Variants in FHAD1 observed in about 807,000 individuals in gnomAD.
FHAD1 encodes forkhead associated phosphopeptide binding domain 1.
Under a neutral mutation model 191.3 loss-of-function variants are expected in FHAD1, and 146 were observed. The observed-to-expected ratio is 0.76, with a 90% confidence interval of 0.67 to 0.88. FHAD1 has a LOEUF of 0.88. Ranked by LOEUF, FHAD1 falls within the 40% of genes least tolerant of loss-of-function variation. The pLI, the probability that FHAD1 is intolerant of heterozygous loss-of-function variation, is 0.00. For synonymous variants in FHAD1, 616 were observed against 672.3 expected (o/e 0.92, Z 1.29); for missense variants, 1,635 against 1,785.8 (o/e 0.92, Z 1.52).
chr1:15,288,652 A>G (rs967194725), intron 3 of FHAD1, among the ~76,000 whole-genome samples: 14 of 152,210 alleles, frequency 9.2e-5, no homozygotes, highest in Admixed American at 9.2e-4. Flanking sequence ...CCAAGCATTT[A>G]TTCTAGGGGC....
rs1666538889 is a variant in FHAD1 at position 15,295,257 on chromosome 1, TC to T, written c.569-1426del. 2.0e-5 allele frequency among the ~76,000 whole-genome samples: 3 copies of T among 152,342 alleles called. No homozygotes were observed. In the South Asian group the frequency reaches 6.2e-4, roughly 32 times the overall value. ...TACAAAATATGATATGAATGTCATG[TC>T]ACTAGTTGTTATGCTGTATTTTTAT... On this transcript the variant is annotated intron_variant, in intron 4 of 33. Transcript: ENST00000688493.
intron 6 of FHAD1, among the ~76,000 whole-genome samples, chr1:15,306,150 C>A (rs1670429758): frequency 1.3e-5 from 2 of 152,168 alleles, no homozygotes; most frequent in Non-Finnish European, 2.9e-5. Flanking sequence ...GGAACTGGAG[C>A]AAAGGTGACT....
At chr1:15,364,939 G>A (rs1695934325) in intron 23 of FHAD1, among the ~76,000 whole-genome samples, 1 of 152,264 alleles carries the variant, frequency 6.6e-6, no homozygotes, top group Non-Finnish European at 1.5e-5. Context: ...GGCACCAAAC[G>A]TGTGCTGCCC....
At chr1:15,332,708 C>A (rs1231092514) in intron 14 of FHAD1, among the ~76,000 whole-genome samples, 2 of 152,138 alleles carry the variant, frequency 1.3e-5, no homozygotes, top group Non-Finnish European at 2.9e-5. Flanking sequence ...GATAGTGAGA[C>A]CTTGTCTAAA....
intron 32 of FHAD1, among the ~76,000 whole-genome samples, chr1:15,390,207 G>A (rs1433336354): frequency 2.0e-5 from 3 of 151,964 alleles, no homozygotes; most frequent in Non-Finnish European, 4.4e-5. Context: ...TTAGCCGGGT[G>A]TGGTGGCAGG....
chr1:15,296,760 T>G lies in FHAD1; in HGVS notation c.645T>G (p.Ile215Met), dbSNP rs1275531682. 1 of 1,551,626 alleles carries G rather than the reference T, an allele frequency of 6.4e-7. No homozygotes were observed. Among genetic ancestry groups the G allele is most frequent in the Non-Finnish European group, 8.7e-7 (1 of 1,146,986 alleles). ...GIPGAVPPAE[I>M]YVEEDLAQQD... is the part of the protein sequence containing the mutation. The stretch of plus-strand genomic sequence containing the variant: ...CTGGGGCAGTTCCCCCTGCGGAGAT[T>G]TATGTGGAGGAGGACTTGGCCCAGC... Residue 215 changes from isoleucine to methionine, a missense_variant, in exon 5 of 34, where the codon ATT becomes ATG. Ile to Met is a conservative substitution (Grantham distance 10). Transcript: ENST00000688493.
downstream of FHAD1, among the ~76,000 whole-genome samples, chr1:15,398,525 T>C (rs533733518): frequency 2.0e-5 from 3 of 152,098 alleles, no homozygotes; most frequent in South Asian, 6.2e-4. Flanking sequence ...AAGAGTTGAG[T>C]CTTGAACCCA....
intron 2 of FHAD1, among the ~76,000 whole-genome samples, chr1:15,269,293 C>G (rs1160564359): frequency 6.6e-6 from 1 of 152,166 alleles, no homozygotes; most frequent in Non-Finnish European, 1.5e-5. Context: ...CTTATGTGTG[C>G]ATTCAAGGCT....
At chr1:15,382,277 T>C (rs1192481554) in intron 31 of FHAD1, 84 bp downstream of exon 31, 1 of 1,382,026 alleles carries the variant, frequency 7.2e-7, no homozygotes, top group African/African-American at 1.5e-5. Flanking sequence ...CCCTGGAGGA[T>C]CCAGGTAGCA....
intron 31 of FHAD1, chr1:15,383,931 G>A (rs551749762): frequency 1.7e-5 from 7 of 412,618 alleles, no homozygotes; most frequent in African/African-American, 8.3e-5. Flanking sequence ...AGGGTTGGCC[G>A]TGAGTCCCCT....
At chr1:15,344,912 C>G (rs1345999011) in intron 16 of FHAD1, among the ~76,000 whole-genome samples, 171 bp from the exon 17 acceptor site, 1 of 152,182 alleles carries the variant, frequency 6.6e-6, no homozygotes, top group African/African-American at 2.4e-5. Context: ...GGGGCTCTAC[C>G]CTGGGTCTCC....
intron 7 of FHAD1, among the ~76,000 whole-genome samples, chr1:15,309,394 C>T (rs1671544771): frequency 6.6e-6 from 1 of 152,196 alleles, no homozygotes; most frequent in Admixed American, 6.5e-5. Context: ...TCCCTCTGCC[C>T]CTCTGCTCAT....
At chr1:15,384,822 G>A (rs1701726911) in intron 31 of FHAD1, among the ~76,000 whole-genome samples, 1 of 152,170 alleles carries the variant, frequency 6.6e-6, no homozygotes, top group South Asian at 2.1e-4. Context: ...CACAGGGCAC[G>A]GCCCACCCTC....
intron 4 of FHAD1, among the ~76,000 whole-genome samples, chr1:15,291,082 A>G (rs1395281930): frequency 6.6e-6 from 1 of 150,870 alleles, no homozygotes. Flanking sequence ...TCCCCACCTA[A>G]ATCTACCATT....
At chr1:15,332,951 G>T (rs1427850801) in intron 14 of FHAD1, among the ~76,000 whole-genome samples, 1 of 152,116 alleles carries the variant, frequency 6.6e-6, no homozygotes, top group Non-Finnish European at 1.5e-5. Flanking sequence ...CAAACTACTG[G>T]TCTCCTTTCT....
chr1:15,257,643 T>A (rs535660916), intron 2 of FHAD1, among the ~76,000 whole-genome samples: 7 of 152,220 alleles, frequency 4.6e-5, no homozygotes, highest in Non-Finnish European at 7.3e-5. Flanking sequence ...TTTCCCCTGA[T>A]GTCACTGGTC....
chr1:15,322,001 A>T (rs1676476876), intron 10 of FHAD1, among the ~76,000 whole-genome samples: 1 of 152,242 alleles, frequency 6.6e-6, no homozygotes, highest in Non-Finnish European at 1.5e-5. Context: ...TTTAGAAGTA[A>T]CCTATAACCT....
Position 15,345,197 on chromosome 1 carries a change from G to A in FHAD1, c.2238+7G>A, listed in dbSNP as rs1355104972. 4.5e-6 allele frequency: 7 copies of A among 1,548,664 alleles called. No homozygotes were observed. The highest frequency in any genetic ancestry group is 1.4e-5 in the African/African-American group (1 of 72,944). On this transcript the variant is annotated splice_region_variant and intron_variant, in intron 17 of 33. Transcript: ENST00000688493. ...CCTGGCCCAGCAGAAGAAGGTATGTGGCTCAGGGAGACAGAGTCAGCTCGA... is the reference window on the plus strand; with the variant it reads ...CCTGGCCCAGCAGAAGAAGGTATGTAGCTCAGGGAGACAGAGTCAGCTCGA...
chr1:15,240,956 CA>C (rs55740154), intron 1 of FHAD1, among the ~76,000 whole-genome samples: 17 of 124,808 alleles, frequency 1.4e-4, no homozygotes, highest in East Asian at 2.4e-4. Context: ...GACTCTATCT[CA>C]AAAAAAAAAA....
Sources: allele counts gnomAD v4.1 joint callset (sites outside exome capture counted in the v4.1 genomes callset), GRCh38; gene constraint gnomAD v4.1.1; transcripts MANE v1.5; gene names NCBI Gene and HGNC (gene_info 2026-07-23, HGNC 2026-07-21).